The following STAM variants were observed in gnomAD, a reference collection of about 807,000 sequenced individuals.
STAM encodes signal transducing adapter molecule 1.
In STAM, 16 loss-of-function variants were observed where a neutral mutation model predicts 63.4. That is an observed-to-expected ratio of 0.25 (90% confidence interval 0.17 to 0.38). STAM has a LOEUF of 0.38. STAM is among the 10% of genes least tolerant of loss of function. The probability of loss-of-function intolerance (pLI) is 1.00; values close to 1 mark genes in which losing one functional copy is unlikely to be tolerated. For missense variants in STAM, 636 were observed against 657.1 expected (o/e 0.97, Z 0.35); for synonymous variants, 238 against 223.9 (o/e 1.06, Z -0.56).
At chr10:17,673,111 A>G (rs1834707378) in intron 2 of STAM, 4 of 841,974 alleles carry the variant, frequency 4.8e-6, no homozygotes, top group African/African-American at 1.8e-5. Context: ...AGACTCTTCT[A>G]AGTGCACGTG....
chr10:17,700,307 T>C (rs980161704), intron 9 of STAM, 28 bp downstream of exon 9: 2 of 1,505,804 alleles, frequency 1.3e-6, no homozygotes, highest in African/African-American at 2.8e-5. Flanking sequence ...TGATAGGAGT[T>C]GGTACTTTGT....
At chr10:17,695,458 T>C (rs913258867) in intron 7 of STAM, among the ~76,000 whole-genome samples, 9 of 152,226 alleles carry the variant, frequency 5.9e-5, no homozygotes, top group African/African-American at 2.2e-4. Context: ...ATAATTTGTT[T>C]TGGAGGCCTA....
intron 2 of STAM, among the ~76,000 whole-genome samples, chr10:17,671,991 A>T (rs2131605277): frequency 6.6e-6 from 1 of 152,308 alleles, no homozygotes; most frequent in South Asian, 2.1e-4. Context: ...TGCTCGGCAT[A>T]TGGTTTTTAT....
chr10:17,699,470 G>C (rs1035894857), intron 8 of STAM, among the ~76,000 whole-genome samples: 2 of 152,150 alleles, frequency 1.3e-5, no homozygotes, highest in Admixed American at 6.6e-5. Flanking sequence ...TTGTTATATA[G>C]CTACTGTTAT....
chr10:17,650,403 A>G (rs1212213785), intron 1 of STAM, among the ~76,000 whole-genome samples: 1 of 152,234 alleles, frequency 6.6e-6, no homozygotes, highest in Non-Finnish European at 1.5e-5. Flanking sequence ...TAGGCTTCAA[A>G]TATCTCAAGT....
At chr10:17,707,340 G>A (rs954833831) in intron 12 of STAM, among the ~76,000 whole-genome samples, 4 of 152,086 alleles carry the variant, frequency 2.6e-5, no homozygotes, top group Non-Finnish European at 5.9e-5. Context: ...AACCCGGGAG[G>A]CGGAGGTTGC....
chr10:17,657,684 C>T (rs1833994601), intron 1 of STAM, among the ~76,000 whole-genome samples: 1 of 152,112 alleles, frequency 6.6e-6, no homozygotes, highest in Non-Finnish European at 1.5e-5. Flanking sequence ...GTATGTATTT[C>T]AGCAGATTAT....
chr10:17,696,278 T>C (rs1358866408), intron 7 of STAM, among the ~76,000 whole-genome samples: 1 of 152,080 alleles, frequency 6.6e-6, no homozygotes, highest in East Asian at 1.9e-4. Context: ...TAGCTTTCCA[T>C]ATACTAGAGT....
intron 7 of STAM, chr10:17,696,261 T>C (rs1283782261): frequency 6.6e-6 from 1 of 152,102 alleles, no homozygotes. Flanking sequence ...ATGTATTGAG[T>C]GCTTGCTAGC....
Position 17,693,302 on chromosome 10 carries a change from T to C in STAM, c.525T>C (p.Asp175=). 1 of 1,610,810 alleles carries C rather than the reference T, an allele frequency of 6.2e-7. No homozygotes were observed. Among genetic ancestry groups the C allele is most frequent in the South Asian group, 1.1e-5 (1 of 90,966 alleles). The stretch of plus-strand genomic sequence containing the variant: ...TGGCTAACAAAAAAGAAGAAGAAGA[T>C]TTAGCAAAAGGTGCGTTTTTAAGTC... ...GTVANKKEEE[D]LAKAIELSLK... Residue 175 remains aspartate (D), a synonymous_variant, in exon 6 of 14, where the codon GAT becomes GAC. Transcript: ENST00000377524.
chr10:17,687,352 G>A (rs769107058), intron 4 of STAM, among the ~76,000 whole-genome samples: 1 of 152,040 alleles, frequency 6.6e-6, no homozygotes. Context: ...GTGCGCGCCT[G>A]TAATCCTACT....
At chr10:17,685,125 C>T (rs1053866765) in intron 4 of STAM, among the ~76,000 whole-genome samples, 198 bp downstream of exon 4, 15 of 152,040 alleles carry the variant, frequency 9.9e-5, no homozygotes, top group Non-Finnish European at 2.2e-4. Context: ...TTTTTTCAAG[C>T]CATATTAGAG....
intron 2 of STAM, 50 bp from the exon 3 acceptor site, chr10:17,684,625 G>T: frequency 6.8e-7 from 1 of 1,480,370 alleles, no homozygotes; most frequent in Non-Finnish European, 9.3e-7. Context: ...AAGGGGCAGG[G>T]GGAAGCTAGA....
intron 6 of STAM, among the ~76,000 whole-genome samples, chr10:17,693,625 C>T (rs112578531): frequency 2.6e-4 from 39 of 152,270 alleles, no homozygotes; most frequent in African/African-American, 8.2e-4. Context: ...TCTCATGCAA[C>T]ATTATGTTTG....
At chr10:17,682,212 T>C (rs563181478) in intron 2 of STAM, among the ~76,000 whole-genome samples, 1 of 152,352 alleles carries the variant, frequency 6.6e-6, no homozygotes, top group Non-Finnish European at 1.5e-5. Context: ...TTTCCTTTTC[T>C]AGAATTTCAT....
intron 1 of STAM, among the ~76,000 whole-genome samples, chr10:17,652,668 AC>A (rs558074207): frequency 1.3e-3 from 191 of 152,318 alleles, no homozygotes; most frequent in African/African-American, 4.4e-3. Flanking sequence ...TAAAAAAAAA[AC>A]AACCTGCTTG....
At chr10:17,666,151 G>A (rs1348212396) in intron 2 of STAM, among the ~76,000 whole-genome samples, 1 of 152,056 alleles carries the variant, frequency 6.6e-6, no homozygotes, top group Non-Finnish European at 1.5e-5. Context: ...ATTAAGTTTT[G>A]CTGTTATTTT....
At chr10:17,648,310 C>T (rs192208920) in intron 1 of STAM, among the ~76,000 whole-genome samples, 5 of 152,258 alleles carry the variant, frequency 3.3e-5, no homozygotes, top group Admixed American at 3.3e-4. Context: ...ATGCACCAAT[C>T]AGTGCTCTGT....
intron 1 of STAM, among the ~76,000 whole-genome samples, chr10:17,653,255 C>G (rs782239227): frequency 6.6e-6 from 1 of 152,082 alleles, no homozygotes; most frequent in African/African-American, 2.4e-5. Context: ...CCCAGTCCAT[C>G]GAAACCTACA....
Sources: gnomAD v4.1 joint callset for allele counts (sites outside exome capture counted in the v4.1 genomes callset) on GRCh38, gnomAD v4.1.1 for gene constraint, MANE v1.5 for transcripts, NCBI Gene and HGNC (gene_info 2026-07-23, HGNC 2026-07-21) for gene names.